The following GFRA1 variants were observed in gnomAD, a reference collection of about 807,000 sequenced individuals.
GFRA1 encodes the protein GDNF family receptor alpha 1, also known as GDNF family receptor alpha-1.
In GFRA1, 16 loss-of-function variants were observed where a neutral mutation model predicts 51.6. That is an observed-to-expected ratio of 0.31 (90% CI 0.21 to 0.47). GFRA1 has a LOEUF of 0.47. GFRA1 is among the 20% of genes least tolerant of loss of function. The probability of loss-of-function intolerance (pLI) is 1.00; values close to 1 mark genes in which losing one functional copy is unlikely to be tolerated. For missense variants in GFRA1, 530 were observed against 594.3 expected (o/e 0.89, Z 1.13); for synonymous variants, 270 against 241.3 (o/e 1.12, Z -1.10).
At chr10:116,255,182 T>C (rs899326560) in intron 4 of GFRA1, among the ~76,000 whole-genome samples, 18 of 152,162 alleles carry the variant, frequency 1.2e-4, no homozygotes, top group Non-Finnish European at 2.4e-4. Flanking sequence ...CGACAAGATA[T>C]AGGATATGCT....
chr10:116,167,748 A>T (rs1960622500), intron 5 of GFRA1, among the ~76,000 whole-genome samples: 1 of 152,212 alleles, frequency 6.6e-6, no homozygotes, highest in African/African-American at 2.4e-5. Context: ...GGATCCCAGG[A>T]GATAGCATTT....
At chr10:116,242,449 A>G (rs1209272284) in intron 4 of GFRA1, among the ~76,000 whole-genome samples, 5 of 151,930 alleles carry the variant, frequency 3.3e-5, no homozygotes, top group African/African-American at 9.7e-5. Context: ...TAAAACTCCT[A>G]TTTTGATTTT....
intron 5 of GFRA1, among the ~76,000 whole-genome samples, chr10:116,160,606 C>G (rs1269801029): frequency 6.6e-6 from 1 of 152,192 alleles, no homozygotes; most frequent in Non-Finnish European, 1.5e-5. Context: ...TAAAGTAAGA[C>G]CCAGTGTTAT....
Position 116,269,538 on chromosome 10 carries a change from A to G in GFRA1, c.383T>C (p.Leu128Ser). The G allele has an allele frequency of 6.2e-7, 1 of 1,608,672 alleles. No homozygotes were observed. The highest frequency in any genetic ancestry group is 2.2e-5 in the East Asian group (1 of 44,848). Residue 128 changes from leucine (L) to serine (S), a missense_variant, in exon 4 of 11, where the codon TTG becomes TCG. Leu to Ser is a moderately radical substitution (Grantham distance 145, BLOSUM62 -2). Transcript: ENST00000355422. ...DSPYEPVNSR[L>S]SDIFRVVPFI... ...TGGGACCACCCGGAATATATCTGAC[A>G]ATCTGCTGTTAACTGGTTCATATGG...
chr10:116,070,983 T>C (rs1955363651), intron 9 of GFRA1, among the ~76,000 whole-genome samples: 1 of 152,230 alleles, frequency 6.6e-6, no homozygotes, highest in South Asian at 2.1e-4. Flanking sequence ...TAAAGTCAGC[T>C]GCGTAAAACA....
At chr10:116,137,666 C>T (rs1055387037) in intron 5 of GFRA1, among the ~76,000 whole-genome samples, 4 of 152,132 alleles carry the variant, frequency 2.6e-5, no homozygotes, top group African/African-American at 7.2e-5. Context: ...AGACAGTAGC[C>T]AAAAGCTTGG....
chr10:116,268,854 T>C (rs1295231571), intron 4 of GFRA1, among the ~76,000 whole-genome samples: 1 of 152,206 alleles, frequency 6.6e-6, no homozygotes, highest in Non-Finnish European at 1.5e-5. Flanking sequence ...AAAATTAAGT[T>C]CATTTCCAAA....
In GFRA1 at chr10:116,271,052, T is replaced by C. The variant is rs1307132075; in HGVS notation, c.104A>G (p.Gln35Arg). 6.2e-7 allele frequency: 1 copy of C among 1,613,616 alleles called. No individual in the cohort carries two copies. Among genetic ancestry groups the C allele is most frequent in the Admixed American group, 1.7e-5 (1 of 60,028 alleles). ...GCTGCAGCTCTGCTCCTTCAGGCAC[T>C]GATCACTGGCTTTCACGCAATCCAG... Reference protein sequence around the residue: ...DRLDCVKASDQCLKEQSCSTK... With the variant: ...DRLDCVKASDRCLKEQSCSTK... Residue 35 changes from glutamine (Q) to arginine (R), a missense_variant, in exon 3 of 11, where the codon CAG becomes CGG. Transcript: ENST00000355422.
chr10:116,182,475 T>C (rs997842576), intron 5 of GFRA1, among the ~76,000 whole-genome samples: 1 of 152,182 alleles, frequency 6.6e-6, no homozygotes, highest in African/African-American at 2.4e-5. Flanking sequence ...TTGTGAAAGT[T>C]GCAGAATGAG....
intron 6 of GFRA1, among the ~76,000 whole-genome samples, chr10:116,099,657 G>A (rs1247291896): frequency 6.6e-6 from 1 of 152,128 alleles, no homozygotes; most frequent in Non-Finnish European, 1.5e-5. Context: ...TGACACAACA[G>A]CTGGATTCCT....
chr10:116,223,588 A>G (rs1304887889), intron 4 of GFRA1, among the ~76,000 whole-genome samples: 2 of 152,200 alleles, frequency 1.3e-5, no homozygotes, highest in African/African-American at 4.8e-5. Flanking sequence ...CATTTCAGAA[A>G]TGGAGAGTAA....
At chr10:116,267,940 AAC>A (rs58079628) in intron 4 of GFRA1, among the ~76,000 whole-genome samples, 3,132 of 146,448 alleles carry the variant, frequency 0.021, 31 homozygotes, top group African/African-American at 0.028. Flanking sequence ...CTGACAGACT[AAC>A]ACACACACAC....
At position 116,058,018 on chromosome 10, in the gene GFRA1, GTGTGTGTGTGTGTGTGTGT is replaced by G. The variant is rs1954623343; in HGVS notation, c.*6361_*6379del. ...TGTGTGTGTGTGTGTGTGTGTGTGT[GTGTGTGTGTGTGTGTGTGT>G]GTGTGACAGAGAGAACCACGCTTTA... is the stretch of plus-strand genomic sequence containing the variant. On this transcript the variant is annotated 3_prime_UTR_variant, in exon 11 of 11. Coordinates refer to ENST00000355422, the MANE Select transcript of GFRA1 (RefSeq NM_005264.8). The G allele has an allele frequency of 6.9e-6, 1 of 144,884 alleles. No homozygotes were observed. Among genetic ancestry groups the G allele is most frequent in the African/African-American group, 2.6e-5 (1 of 37,760 alleles). 9.0% of individuals were successfully genotyped at this position (144,884 alleles called of 1,614,324 possible).
chr10:116,079,350 T>A (rs746166480), intron 9 of GFRA1, among the ~76,000 whole-genome samples: 12 of 152,124 alleles, frequency 7.9e-5, no homozygotes, highest in Non-Finnish European at 1.6e-4. Flanking sequence ...CAGCTTCCTT[T>A]CCTTGTCCCT....
At position 116,064,265 on chromosome 10, in the gene GFRA1, A is replaced by T; in HGVS notation, c.*133T>A. 1.3e-6 allele frequency: 1 copy of T among 794,282 alleles called. No homozygotes were observed. Among genetic ancestry groups the T allele is most frequent in the Non-Finnish European group, 2.0e-6 (1 of 490,392 alleles). 49.2% of individuals were successfully genotyped at this position (794,282 alleles called of 1,614,324 possible). A position where few individuals can be genotyped will look rare whatever the true frequency, so the allele number is the denominator to read the frequency against. On this transcript the variant is annotated 3_prime_UTR_variant, in exon 11 of 11. Coordinates refer to ENST00000355422, the MANE Select transcript of GFRA1 (RefSeq NM_005264.8). ...GAAGCTTTCTTAAAAGGAAAAAAAA[A>T]AAATGTTCCAGTTGAATGGAACTGT...
At chr10:116,210,485 C>T (rs1246739211) in intron 5 of GFRA1, among the ~76,000 whole-genome samples, 1 of 152,286 alleles carries the variant, frequency 6.6e-6, no homozygotes. Context: ...AGTCACGATA[C>T]CTTTTCAATT....
At position 116,064,439 on chromosome 10, in the gene GFRA1, TTACCACCAG is replaced by T; in HGVS notation, c.1348_1356del (p.Leu450_Val452del). 1 of 1,613,216 alleles carries T rather than the reference TTACCACCAG, an allele frequency of 6.2e-7. No homozygotes were observed. The highest frequency in any genetic ancestry group is 8.5e-7 in the Non-Finnish European group (1 of 1,179,798). Reference sequence around the variant, plus strand: ...AAAGATAATAGGGTGGACAGAGCGGTTACCACCAGGACCAGCAGTGGGCTCAGACCACAG... The same window carrying T: ...AAAGATAATAGGGTGGACAGAGCGGTGACCAGCAGTGGGCTCAGACCACAG... On this transcript the variant is annotated inframe_deletion, in exon 11 of 11. Transcript: ENST00000355422.
intron 7 of GFRA1, among the ~76,000 whole-genome samples, chr10:116,094,648 A>C (rs1156925969): frequency 6.6e-6 from 1 of 152,240 alleles, no homozygotes; most frequent in Non-Finnish European, 1.5e-5. Flanking sequence ...TTCTGGATGT[A>C]AGAAGTAATA....
intron 5 of GFRA1, among the ~76,000 whole-genome samples, chr10:116,165,663 T>A (rs893568790): frequency 2.9e-4 from 29 of 99,324 alleles, no homozygotes; most frequent in South Asian, 6.0e-4. Flanking sequence ...TTTCTCTCAC[T>A]CTCACACACA....
Sources: allele counts gnomAD v4.1 joint callset (sites outside exome capture counted in the v4.1 genomes callset), GRCh38; gene constraint gnomAD v4.1.1; transcripts MANE v1.5; gene names NCBI Gene and HGNC (gene_info 2026-07-23, HGNC 2026-07-21).